ABI1: variants seen among roughly 807,000 people sequenced by gnomAD.
ABI1 encodes the protein Abelson interactor 1.
In ABI1, 14 loss-of-function variants were observed where a neutral mutation model predicts 54.6. That is an observed-to-expected ratio of 0.26 (90% CI 0.17 to 0.40). ABI1 has a LOEUF of 0.40. Ranked by LOEUF, ABI1 falls within the 10% of genes least tolerant of loss-of-function variation. The probability of loss-of-function intolerance (pLI) is 1.00; values close to 1 mark genes in which losing one functional copy is unlikely to be tolerated. For synonymous variants in ABI1, 194 were observed against 209.3 expected, an observed-to-expected ratio of 0.93 and a Z score of 0.63; for missense variants, 443 against 598.3, an observed-to-expected ratio of 0.74 and a Z score of 2.71.
At chr10:26,793,097 A>G (rs759510389) in intron 2 of ABI1, among the ~76,000 whole-genome samples, 8 of 152,222 alleles carry the variant, frequency 5.3e-5, no homozygotes, top group Non-Finnish European at 1.2e-4. Flanking sequence ...TAAGCAAAGA[A>G]CCTTGTACAT....
chr10:26,768,480 G>A (rs757881703), intron 6 of ABI1, among the ~76,000 whole-genome samples: 4 of 151,660 alleles, frequency 2.6e-5, no homozygotes, highest in Non-Finnish European at 5.9e-5. Context: ...AGAGGTTGCA[G>A]TGAGCCGAGA....
At chr10:26,783,659 G>A (rs1225678762) in intron 2 of ABI1, among the ~76,000 whole-genome samples, 1 of 152,110 alleles carries the variant, frequency 6.6e-6, no homozygotes, top group Non-Finnish European at 1.5e-5. Flanking sequence ...GGAAATCCCA[G>A]GCTGGCTTGA....
In ABI1 at chr10:26,829,054, A is replaced by G. The variant is rs547861016; in HGVS notation, c.118-5749T>C. Among the ~76,000 whole-genome samples the G allele has an allele frequency of 6.7e-4, 102 of 152,124 alleles. 3 individuals are homozygous for G. In the East Asian group the frequency reaches 7.9e-3, roughly 12 times the overall value. On this transcript the variant is annotated intron_variant, in intron 1 of 10. Coordinates refer to ENST00000376140, the MANE Select transcript of ABI1 (RefSeq NM_001012750.3). ...ATCCTGGCTAACACGGTGAAACCCC[A>G]TCTCTACTAAAAATACAAAAAATTA...
intron 3 of ABI1, among the ~76,000 whole-genome samples, chr10:26,771,816 C>A (rs1434838708): frequency 5.3e-5 from 8 of 152,058 alleles, no homozygotes; most frequent in African/African-American, 1.9e-4. Flanking sequence ...AGTCAAAATT[C>A]AAAGTTGAAG....
At chr10:26,759,885 G>A (rs1164019487) in intron 7 of ABI1, among the ~76,000 whole-genome samples, 1 of 151,934 alleles carries the variant, frequency 6.6e-6, no homozygotes, top group Non-Finnish European at 1.5e-5. Context: ...TTCATGTAAT[G>A]TCAGATTTGT....
chr10:26,853,463 ATACAACC>A (rs2050567735), intron 1 of ABI1, among the ~76,000 whole-genome samples: 1 of 151,982 alleles, frequency 6.6e-6, no homozygotes, highest in South Asian at 2.1e-4. Flanking sequence ...TAGGAAAAAT[ATACAACC>A]TCCCAATCAA....
At position 26,747,922 on chromosome 10, in the gene ABI1, A is replaced by G. The variant is rs111732293; in HGVS notation, c.*648T>C. 39 of 196,032 alleles carry G rather than the reference A, an allele frequency of 2.0e-4. No homozygotes were observed. Among genetic ancestry groups the G allele is most frequent in the African/African-American group, 8.8e-4 (38 of 43,202 alleles). 12.1% of individuals were successfully genotyped at this position (196,032 alleles called of 1,614,324 possible). On this transcript the variant is annotated 3_prime_UTR_variant, in exon 11 of 11. Transcript: ENST00000376140. The stretch of plus-strand genomic sequence containing the variant: ...TGAATGGAAAAAGTTTATAATGCAA[A>G]TTTCACTCATTAAAAAACTTAGGTA...
chr10:26,839,794 A>C (rs1225720715), intron 1 of ABI1: 1 of 700,834 alleles, frequency 1.4e-6, no homozygotes, highest in South Asian at 1.5e-5. Flanking sequence ...CTACAGAAAA[A>C]ATAAAAATAA....
intron 1 of ABI1, among the ~76,000 whole-genome samples, chr10:26,843,469 AAAAAAAAAAAAAAAAAATAT>A (rs1387722535): frequency 1.2e-5 from 1 of 82,986 alleles, no homozygotes; most frequent in African/African-American, 4.7e-5. Flanking sequence ...AAAAAAAAAA[AAAAAAAAAAAAAAAAAATAT>A]ATATATATAT....
chr10:26,750,725 C>T (rs1358787087), intron 10 of ABI1, among the ~76,000 whole-genome samples: 1 of 151,952 alleles, frequency 6.6e-6, no homozygotes, highest in Non-Finnish European at 1.5e-5. Context: ...TAATTGATTC[C>T]CACTTCTGCA....
At position 26,770,316 on chromosome 10, in the gene ABI1, G is replaced by A. The variant is rs1353013713; in HGVS notation, c.507C>T (p.Gly169=). The A allele has an allele frequency of 6.2e-7, 1 of 1,614,012 alleles. No individual in the cohort carries two copies. The highest frequency in any genetic ancestry group is 8.5e-7 in the Non-Finnish European group (1 of 1,179,886). The part of the protein sequence containing the change: ...KHGNNQPART[G]TLSRTNPPTQ... Reference sequence around the variant, plus strand: ...TAGGAGGATTTGTTCTCGACAGTGTGCCAGTTCTTGCAGGCTGGTTATTTC... The same window carrying A: ...TAGGAGGATTTGTTCTCGACAGTGTACCAGTTCTTGCAGGCTGGTTATTTC... Residue 169 remains glycine (G), a synonymous_variant, in exon 5 of 11, where the codon GGC becomes GGT. Coordinates refer to ENST00000376140, the MANE Select transcript of ABI1 (RefSeq NM_001012750.3).
intron 1 of ABI1, among the ~76,000 whole-genome samples, chr10:26,842,221 T>C (rs1207703789): frequency 6.6e-6 from 1 of 152,248 alleles, no homozygotes; most frequent in African/African-American, 2.4e-5. Context: ...CAGCCATCCT[T>C]ATGTCTTCTT....
At chr10:26,855,020 C>CT (rs5783989) in intron 1 of ABI1, among the ~76,000 whole-genome samples, 38,924 of 151,794 alleles carry the variant, frequency 0.26, 5,650 homozygotes, top group South Asian at 0.43. Context: ...CAACATGACA[C>CT]AAAAATAAAT....
At chr10:26,774,968 C>T (rs1483329454) in intron 3 of ABI1, among the ~76,000 whole-genome samples, 3 of 152,016 alleles carry the variant, frequency 2.0e-5, no homozygotes, top group South Asian at 4.1e-4. Context: ...TCTTACAAGT[C>T]AGTAAGAAAA....
intron 1 of ABI1, among the ~76,000 whole-genome samples, chr10:26,825,198 A>G (rs2048232066): frequency 6.6e-6 from 1 of 152,208 alleles, no homozygotes; most frequent in Non-Finnish European, 1.5e-5. Flanking sequence ...GATATTTGAT[A>G]GCATTTTACC....
Position 26,751,770 on chromosome 10 carries a change from T to C in ABI1, c.1098A>G (p.Pro366=). 6.2e-7 allele frequency: 1 copy of C among 1,609,798 alleles called. No homozygotes were observed. Among genetic ancestry groups the C allele is most frequent in the Non-Finnish European group, 8.5e-7 (1 of 1,177,870 alleles). The change falls in exon 10 of 11, where the codon CCA becomes CCG. Residue 366 remains proline (P), a synonymous_variant. Transcript: ENST00000376140. The part of the protein sequence containing the change: ...ARVQENIADS[P]TPPPPPPPDD... The stretch of plus-strand genomic sequence containing the variant: ...CTGGTGGAGGTGGTGGCGGTGGAGT[T>C]GGACTATCAGCAACTAAAAAGATTC...
chr10:26,846,973 C>G (rs2050031582), intron 1 of ABI1, among the ~76,000 whole-genome samples: 1 of 152,266 alleles, frequency 6.6e-6, no homozygotes, highest in South Asian at 2.1e-4. Context: ...CATGTACCTT[C>G]CCTAGATGTA....
chr10:26,818,631 C>CAAAAAAAAAAAAAAAAAAAAAAAAAAAA (rs376157276), intron 2 of ABI1, among the ~76,000 whole-genome samples: 1 of 73,092 alleles, frequency 1.4e-5, no homozygotes, highest in African/African-American at 5.5e-5. Flanking sequence ...GACCCCGTCA[C>CAAAAAAAAAAAAAAAAAAAAAAAAAAAA]AAAAAAAAAA....
rs117369197 is a variant in ABI1 at position 26,858,832 on chromosome 10, G to A, written c.117+1915C>T. The stretch of plus-strand genomic sequence containing the variant: ...AGTTACTAACAGTTGCCAACACATA[G>A]TTACCACACTATATACTTGTCAGAT... On this transcript the variant is annotated intron_variant, in intron 1 of 10. Coordinates refer to ENST00000376140, the MANE Select transcript of ABI1 (RefSeq NM_001012750.3). Among the ~76,000 whole-genome samples the A allele has an allele frequency of 1.7e-3, 266 of 152,142 alleles. 4 individuals carry two copies. The East Asian group carries it at 0.046, about 26-fold the overall frequency.
Sources: allele counts gnomAD v4.1 joint callset (sites outside exome capture counted in the v4.1 genomes callset), GRCh38; gene constraint gnomAD v4.1.1; transcripts MANE v1.5; gene names NCBI Gene and HGNC (gene_info 2026-07-23, HGNC 2026-07-21).